The following PLPP4 variants were observed in gnomAD, a reference collection of about 807,000 sequenced individuals.
PLPP4 encodes phospholipid phosphatase 4, also known as diacylglycerol pyrophosphate like 2.
Under a neutral mutation model 32.2 loss-of-function variants are expected in PLPP4, and 20 were observed. That is an observed-to-expected ratio of 0.62 (90% CI 0.44 to 0.90). The LOEUF (loss-of-function observed/expected upper bound fraction) is 0.90. PLPP4 is among the 40% of genes least tolerant of loss of function. PLPP4 has a pLI of 0.00. For synonymous variants in PLPP4, 127 were observed against 133.0 expected (o/e 0.95, Z 0.31); for missense variants, 257 against 353.1 (o/e 0.73, Z 2.18).
chr10:120,518,977 G>A (rs1253473426), intron 4 of PLPP4, 81 bp downstream of exon 4: 3 of 1,094,734 alleles, frequency 2.7e-6, no homozygotes, highest in Non-Finnish European at 4.0e-6. Context: ...GACACTGGAT[G>A]GGACAGATTT....
chr10:120,465,340 G>A lies in PLPP4; in HGVS notation c.56+7979G>A, dbSNP rs139510303. ...TAAGAGCAAGGTTTGGGATGCCTGG[G>A]GCGAGTGAGAGGAGGCTGAGAGGAC... On this transcript the variant is annotated intron_variant, in intron 1 of 6. Transcript: ENST00000398250. Among the ~76,000 whole-genome samples, 524 of 152,278 alleles carry A rather than the reference G, an allele frequency of 3.4e-3. 2 individuals carry two copies. Among genetic ancestry groups the A allele is most frequent in the African/African-American group, 0.012 (495 of 41,556 alleles).
chr10:120,555,636 A>C (rs1050014907), intron 5 of PLPP4, among the ~76,000 whole-genome samples: 5 of 152,252 alleles, frequency 3.3e-5, no homozygotes, highest in Non-Finnish European at 5.9e-5. Context: ...GTGCAGAGAC[A>C]GAAAGAGCAC....
In PLPP4 at chr10:120,577,642, T is replaced by C. The variant is rs1271216290; in HGVS notation, c.616+2341T>C. On this transcript the variant is annotated intron_variant, in intron 6 of 6. Transcript: ENST00000398250. Reference sequence around the variant, plus strand: ...AAGAGAATTTATGTTCAGTGATGGTTAGAACCATATTTGGGAATCAAACAA... The same window carrying C: ...AAGAGAATTTATGTTCAGTGATGGTCAGAACCATATTTGGGAATCAAACAA... Among the ~76,000 whole-genome samples, 5 of 152,200 alleles carry C rather than the reference T, an allele frequency of 3.3e-5. No individual in the cohort carries two copies. In the East Asian group the frequency reaches 9.6e-4, roughly 29 times the overall value.
In PLPP4 at chr10:120,514,984, C is replaced by G. The variant is rs529067185; in HGVS notation, c.256+983C>G. ...AATGAAAATGTAGCAAAATATGATC[C>G]TCCCTTTTCCATGGTAAGGGAGTGA... On this transcript the variant is annotated intron_variant, in intron 3 of 6. Transcript: ENST00000398250. 2.0e-5 allele frequency among the ~76,000 whole-genome samples: 3 copies of G among 152,232 alleles called. No homozygotes were observed. The East Asian group carries it at 5.8e-4, about 29-fold the overall frequency.
chr10:120,472,947 T>A (rs187458235), intron 1 of PLPP4, among the ~76,000 whole-genome samples: 1 of 152,350 alleles, frequency 6.6e-6, no homozygotes, highest in African/African-American at 2.4e-5. Context: ...AATTTTCATT[T>A]GGTTTTTAGA....
chr10:120,520,220 C>G (rs2133906953), intron 4 of PLPP4, among the ~76,000 whole-genome samples: 1 of 152,260 alleles, frequency 6.6e-6, no homozygotes, highest in South Asian at 2.1e-4. Flanking sequence ...GATCTCTTTC[C>G]CATGTCCTAG....
chr10:120,577,082 G>A (rs998884298), intron 6 of PLPP4, among the ~76,000 whole-genome samples: 2 of 152,276 alleles, frequency 1.3e-5, no homozygotes, highest in African/African-American at 4.8e-5. Context: ...CTTTGTAAAT[G>A]GAAATTTACT....
intron 1 of PLPP4, among the ~76,000 whole-genome samples, chr10:120,488,571 A>G (rs992855577): frequency 6.6e-6 from 1 of 152,244 alleles, no homozygotes; most frequent in Admixed American, 6.5e-5. Flanking sequence ...AAGTAGCAAC[A>G]TTGAAGGGCA....
intron 5 of PLPP4, among the ~76,000 whole-genome samples, chr10:120,571,421 A>G (rs991643132): frequency 5.3e-5 from 8 of 152,040 alleles, no homozygotes; most frequent in Non-Finnish European, 1.2e-4. Context: ...ACAGACACTC[A>G]CTTGGAATGC....
intron 6 of PLPP4, among the ~76,000 whole-genome samples, chr10:120,576,878 T>C (rs1451600583): frequency 6.6e-6 from 1 of 152,248 alleles, no homozygotes; most frequent in Non-Finnish European, 1.5e-5. Flanking sequence ...ACTGGGAATA[T>C]GTTCCCGCAG....
At chr10:120,469,475 C>T (rs956686720) in intron 1 of PLPP4, among the ~76,000 whole-genome samples, 2 of 152,108 alleles carry the variant, frequency 1.3e-5, no homozygotes, top group African/African-American at 4.8e-5. Context: ...GATCCGCCCA[C>T]CTGGGGCTCC....
Position 120,469,227 on chromosome 10 carries a change from C to CT in PLPP4, c.56+11884dup, listed in dbSNP as rs540404965. ...ACAAAAATATACCTCGGAACTGCAA[C>CT]TTTTTTTTTTTTTTTTTTGAGACAG... On this transcript the variant is annotated intron_variant, in intron 1 of 6. Coordinates refer to ENST00000398250, the MANE Select transcript of PLPP4 (RefSeq NM_001030059.3). 7.8e-4 allele frequency among the ~76,000 whole-genome samples: 25 copies of CT among 32,254 alleles called. 3 individuals carry two copies. The highest frequency in any genetic ancestry group is 1.0e-3 in the African/African-American group (18 of 17,278). The allele number at this position is 32,254 out of a possible 152,430, so 21.2% of individuals were successfully genotyped here.
chr10:120,544,465 C>T (rs938828560), intron 5 of PLPP4, among the ~76,000 whole-genome samples: 4 of 152,158 alleles, frequency 2.6e-5, no homozygotes, highest in African/African-American at 9.7e-5. Context: ...GCCCTTCCTG[C>T]CCCGCAACAC....
chr10:120,476,356 T>C (rs1412945964), intron 1 of PLPP4, among the ~76,000 whole-genome samples: 1 of 152,246 alleles, frequency 6.6e-6, no homozygotes, highest in African/African-American at 2.4e-5. Context: ...GTTTTTATGC[T>C]GTATGTGCAA....
intron 6 of PLPP4, among the ~76,000 whole-genome samples, chr10:120,576,095 G>C (rs1194961342): frequency 6.6e-6 from 1 of 152,184 alleles, no homozygotes; most frequent in African/African-American, 2.4e-5. Flanking sequence ...GGACTCTCTA[G>C]GGGTGCATCT....
intron 5 of PLPP4, among the ~76,000 whole-genome samples, chr10:120,565,752 A>G (rs1261380427): frequency 2.0e-5 from 3 of 151,776 alleles, no homozygotes; most frequent in Non-Finnish European, 4.4e-5. Flanking sequence ...CTACTTGAAT[A>G]TTTCTTCTTC....
intron 5 of PLPP4, among the ~76,000 whole-genome samples, chr10:120,547,738 G>T (rs1367475758): frequency 1.3e-5 from 2 of 152,080 alleles, no homozygotes; most frequent in East Asian, 3.9e-4. Context: ...ACCTTCAATT[G>T]TTTGTTCATG....
intron 6 of PLPP4, among the ~76,000 whole-genome samples, chr10:120,577,561 C>T (rs770842346): frequency 1.2e-4 from 18 of 152,160 alleles, no homozygotes; most frequent in Admixed American, 2.0e-4. Context: ...CAGAAAGGAA[C>T]TATGAGCAGT....
intron 1 of PLPP4, among the ~76,000 whole-genome samples, chr10:120,496,619 T>A (rs1488687342): frequency 6.6e-6 from 1 of 152,226 alleles, no homozygotes; most frequent in Non-Finnish European, 1.5e-5. Flanking sequence ...TGACCCAGAT[T>A]ATACAATCTG....
Sources: allele counts gnomAD v4.1 joint callset (sites outside exome capture counted in the v4.1 genomes callset), GRCh38; gene constraint gnomAD v4.1.1; transcripts MANE v1.5; gene names NCBI Gene and HGNC (gene_info 2026-07-23, HGNC 2026-07-21).